The following NPAS3 variants were observed in gnomAD, a reference collection of about 807,000 sequenced individuals.
The protein encoded by NPAS3 is neuronal PAS domain-containing protein 3.
A neutral mutation model predicts 73.1 loss-of-function variants in NPAS3; 14 were observed. That is an observed-to-expected ratio of 0.19 (90% CI 0.13 to 0.30). The LOEUF (loss-of-function observed/expected upper bound fraction) is 0.30, where lower values mean the gene tolerates loss of function less well. NPAS3 is among the 10% of genes least tolerant of loss of function. NPAS3 has a pLI of 1.00. For missense variants in NPAS3, 1,096 were observed against 1,250.0 expected, an observed-to-expected ratio of 0.88 and a Z score of 1.86; for synonymous variants, 620 against 541.5, an observed-to-expected ratio of 1.14 and a Z score of -2.01.
At chr14:33,374,618 G>A (rs1252860652) in intron 4 of NPAS3, among the ~76,000 whole-genome samples, 1 of 150,620 alleles carries the variant, frequency 6.6e-6, no homozygotes, top group Non-Finnish European at 1.5e-5. Flanking sequence ...AATTGTAGAA[G>A]ACCGAGTAGA....
chr14:33,466,578 T>G (rs1403136074), intron 4 of NPAS3, among the ~76,000 whole-genome samples: 3 of 152,116 alleles, frequency 2.0e-5, no homozygotes, highest in Non-Finnish European at 4.4e-5. Context: ...ACCGAGTAAT[T>G]TATAAAGAGA....
At chr14:33,217,882 G>C (rs1044391217) in intron 3 of NPAS3, among the ~76,000 whole-genome samples, 10 of 152,180 alleles carry the variant, frequency 6.6e-5, no homozygotes, top group Non-Finnish European at 1.3e-4. Context: ...CTTGCCTTCT[G>C]TCTAGTGCTC....
intron 1 of NPAS3, among the ~76,000 whole-genome samples, chr14:33,050,110 AAAAGTC>A (rs1376564455): frequency 2.0e-5 from 3 of 152,200 alleles, no homozygotes; most frequent in Non-Finnish European, 4.4e-5. Flanking sequence ...AGGTCACGTT[AAAAGTC>A]AAAGTCAACT....
chr14:33,166,778 G>T (rs890151697), intron 2 of NPAS3, among the ~76,000 whole-genome samples: 1 of 152,064 alleles, frequency 6.6e-6, no homozygotes, highest in Non-Finnish European at 1.5e-5. Context: ...TGATGAATTT[G>T]GGGTGGAAAA....
At chr14:33,179,319 G>A (rs2045711025) in intron 2 of NPAS3, among the ~76,000 whole-genome samples, 3 of 152,146 alleles carry the variant, frequency 2.0e-5, no homozygotes, top group Non-Finnish European at 4.4e-5. Context: ...AACTATTTGA[G>A]TGCATCAAAA....
At chr14:33,646,135 A>G (rs558744206) in intron 5 of NPAS3, among the ~76,000 whole-genome samples, 23 of 152,330 alleles carry the variant, frequency 1.5e-4, no homozygotes, top group South Asian at 8.3e-4. Context: ...CCTGAAGGAC[A>G]GGCAGAATTT....
intron 2 of NPAS3, among the ~76,000 whole-genome samples, chr14:33,133,552 T>A (rs2043720464): frequency 6.6e-6 from 1 of 152,290 alleles, no homozygotes; most frequent in East Asian, 1.9e-4. Flanking sequence ...TAAGTGCCAG[T>A]CAATGACTAA....
intron 9 of NPAS3, among the ~76,000 whole-genome samples, chr14:33,791,167 G>A (rs775855225): frequency 6.6e-6 from 1 of 152,098 alleles, no homozygotes; most frequent in African/African-American, 2.4e-5. Context: ...AGTCAAACTC[G>A]TCCTCTTCAG....
intron 6 of NPAS3, among the ~76,000 whole-genome samples, chr14:33,707,871 A>G (rs2060701113): frequency 6.6e-6 from 1 of 152,218 alleles, no homozygotes; most frequent in Non-Finnish European, 1.5e-5. Flanking sequence ...CTTTGCCTGC[A>G]TGCGTGGCAC....
intron 3 of NPAS3, among the ~76,000 whole-genome samples, chr14:33,345,221 G>A (rs1482377817): frequency 6.6e-6 from 1 of 152,172 alleles, no homozygotes; most frequent in Non-Finnish European, 1.5e-5. Context: ...ACTTAAACCT[G>A]TGCAAACTTA....
chr14:33,031,214 G>A (rs1335276989), intron 1 of NPAS3, among the ~76,000 whole-genome samples: 2 of 152,174 alleles, frequency 1.3e-5, no homozygotes, highest in Non-Finnish European at 2.9e-5. Flanking sequence ...ACCTTGCTAT[G>A]ATAATACCAG....
At chr14:33,329,389 C>G (rs955081437) in intron 3 of NPAS3, among the ~76,000 whole-genome samples, 2 of 152,100 alleles carry the variant, frequency 1.3e-5, no homozygotes, top group Non-Finnish European at 2.9e-5. Context: ...AGGTAACCTA[C>G]TAGGGACAGA....
chr14:33,595,963 A>G (rs1279179669), intron 5 of NPAS3, among the ~76,000 whole-genome samples: 1 of 152,222 alleles, frequency 6.6e-6, no homozygotes, highest in African/African-American at 2.4e-5. Context: ...CCAACATTGA[A>G]TCCTATATAG....
In NPAS3 at chr14:33,271,749, C is replaced by T. The variant is rs144085117; in HGVS notation, c.385+56323C>T. Among the ~76,000 whole-genome samples, 11 of 152,256 alleles carry T rather than the reference C, an allele frequency of 7.2e-5. No homozygotes were observed. In the East Asian group the frequency reaches 2.1e-3, roughly 29 times the overall value. Reference sequence around the variant, plus strand: ...CATAATTAAATTAGCACTTTTCTATCTCACCTTCCTCTGTTCTGGCATGTA... The same window carrying T: ...CATAATTAAATTAGCACTTTTCTATTTCACCTTCCTCTGTTCTGGCATGTA... On this transcript the variant is annotated intron_variant, in intron 3 of 11. Transcript: ENST00000356141.
chr14:33,185,763 A>G (rs1331059665), intron 2 of NPAS3, among the ~76,000 whole-genome samples: 1 of 152,146 alleles, frequency 6.6e-6, no homozygotes, highest in Non-Finnish European at 1.5e-5. Flanking sequence ...CCACTCGGGA[A>G]CTGAAGATGT....
intron 4 of NPAS3, among the ~76,000 whole-genome samples, chr14:33,391,472 C>T (rs1458988651): frequency 1.3e-5 from 2 of 152,086 alleles, no homozygotes; most frequent in Non-Finnish European, 2.9e-5. Flanking sequence ...GGATTACAGG[C>T]GTGAGCCACT....
At chr14:33,522,457 T>G (rs983974063) in intron 4 of NPAS3, among the ~76,000 whole-genome samples, 1 of 152,132 alleles carries the variant, frequency 6.6e-6, no homozygotes, top group Non-Finnish European at 1.5e-5. Context: ...TGTAGCAGCA[T>G]AGCAGGAATA....
intron 4 of NPAS3, among the ~76,000 whole-genome samples, chr14:33,433,171 A>G (rs1164069413): frequency 6.6e-6 from 1 of 152,224 alleles, no homozygotes; most frequent in Non-Finnish European, 1.5e-5. Flanking sequence ...AAATAAACAC[A>G]ACCCAAAAAT....
chr14:33,006,551 A>G (rs1566457999), intron 1 of NPAS3, among the ~76,000 whole-genome samples: 1 of 152,186 alleles, frequency 6.6e-6, no homozygotes, highest in East Asian at 1.9e-4. Flanking sequence ...AGACTAAGCA[A>G]TCTGGTTACT....
Sources: gnomAD v4.1 joint callset for allele counts (sites outside exome capture counted in the v4.1 genomes callset) on GRCh38, gnomAD v4.1.1 for gene constraint, MANE v1.5 for transcripts, NCBI Gene and HGNC (gene_info 2026-07-23, HGNC 2026-07-21) for gene names.